FAAH2: variants seen among roughly 807,000 people sequenced by gnomAD.
The protein encoded by FAAH2 is fatty acid amide hydrolase 2, also known as fatty-acid amide hydrolase 2.
FAAH2 carries 60 observed loss-of-function variants against 36.9 expected under a neutral mutation model. The ratio of observed to expected loss-of-function variants is 1.63; its 90% CI spans 1.32 to 2.02. The LOEUF (loss-of-function observed/expected upper bound fraction) is 2.02, where lower values mean the gene tolerates loss of function less well. FAAH2 is among the 30% of genes most tolerant of loss of function. The pLI is 0.00. For missense variants in FAAH2, 689 were observed against 397.5 expected (o/e 1.73, Z -6.23); for synonymous variants, 214 against 143.8 (o/e 1.49, Z -3.49).
the FAAH2 span, among the ~76,000 whole-genome samples, chrX:57,157,790 C>T: frequency 2.7e-5 from 3 of 111,152 alleles, no homozygotes; most frequent in African/African-American, 9.8e-5. Flanking sequence ...TTCTACTAAG[C>T]CAATTTGCTC....
intron 2 of FAAH2, among the ~76,000 whole-genome samples, chrX:57,296,009 G>C (rs987908525): frequency 1.7e-4 from 19 of 112,422 alleles, no homozygotes; most frequent in Non-Finnish European, 2.4e-4. Context: ...CTGCCTCTGT[G>C]GGCTCCACCT....
chrX:57,176,591 A>G, the FAAH2 span, among the ~76,000 whole-genome samples: 1 of 111,253 alleles, frequency 9.0e-6, no homozygotes, highest in Non-Finnish European at 1.9e-5. Context: ...TTTTGTTTTC[A>G]CTTGGATCCA....
chrX:57,267,711 C>T, the FAAH2 span, among the ~76,000 whole-genome samples: 1 of 112,271 alleles, frequency 8.9e-6, no homozygotes, highest in Admixed American at 9.5e-5. Context: ...TGCAGATTTA[C>T]AGCACGCAGC....
intron 2 of FAAH2, among the ~76,000 whole-genome samples, chrX:57,295,319 G>A (rs1037499824): frequency 8.9e-6 from 1 of 112,172 alleles, no homozygotes; most frequent in African/African-American, 3.2e-5. Context: ...ATGGTGTCAG[G>A]AACAGCAGGC....
Position 57,448,626 on chromosome X carries a change from G to A in FAAH2, c.1331G>A (p.Gly444Asp). The A allele has an allele frequency of 8.3e-7, 1 of 1,211,361 alleles. No homozygotes were observed. Among genetic ancestry groups the A allele is most frequent in the Non-Finnish European group, 1.1e-6 (1 of 895,218 alleles). Residue 444 changes from glycine (G) to aspartate (D), a missense_variant, in exon 10 of 11, where the codon GGT (glycine) becomes GAT (aspartate). Gly to Asp is a moderately conservative substitution (Grantham distance 94). Coordinates refer to ENST00000374900, the MANE Select transcript of FAAH2 (RefSeq NM_174912.4). ...SLRKELVDML[G>D]DDGVFLYPSH... ...CGTAAAGAGCTGGTGGATATGCTAG[G>A]TGATGATGGTGTGTTCTTATATCCC...
chrX:57,188,919 T>C, the FAAH2 span, among the ~76,000 whole-genome samples: 3 of 111,596 alleles, frequency 2.7e-5, no homozygotes, highest in East Asian at 2.8e-4. Context: ...TTCCTGAATT[T>C]GAATGTTCAT....
At chrX:57,394,544 C>A (rs1303791315) in intron 7 of FAAH2, 1 of 1,206,843 alleles carries the variant, frequency 8.3e-7, no homozygotes, top group African/African-American at 1.8e-5. Flanking sequence ...CATCCACTTT[C>A]CTGGCTTAAA....
At chrX:57,343,848 C>T (rs1018496369) in intron 5 of FAAH2, among the ~76,000 whole-genome samples, 2 of 111,269 alleles carry the variant, frequency 1.8e-5, no homozygotes, top group African/African-American at 3.3e-5. Context: ...CCAGTTATCC[C>T]GGCGCCATTT....
At chrX:57,362,407 C>T (rs368827710) in intron 5 of FAAH2, among the ~76,000 whole-genome samples, 7 of 110,597 alleles carry the variant, frequency 6.3e-5, no homozygotes, top group Non-Finnish European at 1.3e-4. Context: ...ATGTAGATGA[C>T]GGGTTGATGG....
the FAAH2 span, among the ~76,000 whole-genome samples, chrX:57,154,910 C>A: frequency 1.8e-5 from 2 of 110,555 alleles, no homozygotes; most frequent in African/African-American, 3.3e-5. Context: ...GATGTGGCTT[C>A]CTGAGAGCTG....
At chrX:57,170,840 G>T in the FAAH2 span, among the ~76,000 whole-genome samples, 6 of 108,857 alleles carry the variant, frequency 5.5e-5, no homozygotes, top group South Asian at 2.4e-3. Flanking sequence ...TAGTAGCTGG[G>T]ATTACAGGCG....
intron 3 of FAAH2, among the ~76,000 whole-genome samples, chrX:57,319,731 G>A (rs1450693397): frequency 8.9e-6 from 1 of 111,917 alleles, no homozygotes; most frequent in Non-Finnish European, 1.9e-5. Flanking sequence ...TAAGCTAAAT[G>A]ACCAAAGCTG....
the FAAH2 span, among the ~76,000 whole-genome samples, chrX:57,233,223 G>C: frequency 2.7e-5 from 3 of 111,552 alleles, no homozygotes; most frequent in East Asian, 8.5e-4. Context: ...TCACGTGATA[G>C]ATAGTGTGGG....
the FAAH2 span, among the ~76,000 whole-genome samples, chrX:57,153,564 G>T: frequency 9.0e-6 from 1 of 111,674 alleles, no homozygotes; most frequent in Non-Finnish European, 1.9e-5. Flanking sequence ...CTTGGTATTG[G>T]CAAATTCTCT....
intron 3 of FAAH2, among the ~76,000 whole-genome samples, chrX:57,329,870 T>C (rs1435328299): frequency 1.8e-5 from 2 of 111,956 alleles, no homozygotes; most frequent in African/African-American, 6.5e-5. Flanking sequence ...TGTCTGTCTT[T>C]ACTGCAATCT....
At chrX:57,277,241 T>A in the FAAH2 span, among the ~76,000 whole-genome samples, 2 of 111,714 alleles carry the variant, frequency 1.8e-5, no homozygotes, top group Non-Finnish European at 3.8e-5. Flanking sequence ...TCAAGTTGGC[T>A]TCATCCCTGG....
the FAAH2 span, among the ~76,000 whole-genome samples, chrX:57,201,443 A>G: frequency 1.8e-5 from 2 of 110,169 alleles, no homozygotes; most frequent in African/African-American, 6.6e-5. Flanking sequence ...AAAAAAAAAA[A>G]GAAGTCTGTC....
chrX:57,471,088 A>G (rs2057156215), intron 10 of FAAH2, among the ~76,000 whole-genome samples: 1 of 112,035 alleles, frequency 8.9e-6, no homozygotes, highest in African/African-American at 3.2e-5. Flanking sequence ...TATTGATGGA[A>G]TGTATCTCAA....
chrX:57,321,160 A>T (rs977412713), intron 3 of FAAH2, among the ~76,000 whole-genome samples: 3 of 109,373 alleles, frequency 2.7e-5, no homozygotes, highest in Middle Eastern at 4.3e-3. Flanking sequence ...AGAAAACCGG[A>T]TGAATGCATG....
Sources: allele counts gnomAD v4.1 joint callset (sites outside exome capture counted in the v4.1 genomes callset), GRCh38; gene constraint gnomAD v4.1.1; transcripts MANE v1.5; gene names NCBI Gene and HGNC (gene_info 2026-07-23, HGNC 2026-07-21).